SCEL: variants seen among roughly 807,000 people sequenced by gnomAD.
SCEL encodes the protein sciellin.
SCEL carries 113 observed loss-of-function variants against 117.6 expected under a neutral mutation model. The ratio of observed to expected loss-of-function variants is 0.96; its 90% CI spans 0.83 to 1.12. The LOEUF is 1.12. SCEL is among the 50% of genes most tolerant of loss of function. The pLI is 0.00. For synonymous variants in SCEL, 270 were observed against 256.2 expected (o/e 1.05, Z -0.51); for missense variants, 785 against 810.8 (o/e 0.97, Z 0.39).
intron 27 of SCEL, among the ~76,000 whole-genome samples, chr13:77,623,004 C>T (rs1460741678): frequency 6.6e-6 from 1 of 152,134 alleles, no homozygotes; most frequent in Non-Finnish European, 1.5e-5. Flanking sequence ...GTAAGGTCTG[C>T]CTGCCTTCTA....
intron 19 of SCEL, chr13:77,606,478 G>A (rs2154402369): frequency 6.6e-6 from 1 of 152,196 alleles, no homozygotes; most frequent in South Asian, 2.1e-4. Context: ...AATGCTTACC[G>A]TTTTGTTATT....
intron 9 of SCEL, among the ~76,000 whole-genome samples, chr13:77,588,559 G>A (rs2086691675): frequency 6.6e-6 from 1 of 152,136 alleles, no homozygotes; most frequent in Non-Finnish European, 1.5e-5. Flanking sequence ...ATTAAGTCCT[G>A]CCAACTCAGA....
intron 18 of SCEL, among the ~76,000 whole-genome samples, chr13:77,603,462 G>C (rs1456222573): frequency 6.6e-6 from 1 of 152,136 alleles, no homozygotes; most frequent in East Asian, 1.9e-4. Context: ...GACAGAGGTG[G>C]CCAAGAGTGA....
At chr13:77,637,530 T>C (rs1256107233) in intron 30 of SCEL, among the ~76,000 whole-genome samples, 1 of 151,740 alleles carries the variant, frequency 6.6e-6, no homozygotes, top group African/African-American at 2.4e-5. Flanking sequence ...AACTTCTGCA[T>C]CCAGGAATTT....
chr13:77,553,939 T>C (rs939288119), intron 1 of SCEL, among the ~76,000 whole-genome samples: 2 of 152,058 alleles, frequency 1.3e-5, no homozygotes, highest in East Asian at 1.9e-4. Flanking sequence ...TCCACTAAGA[T>C]CTTCAGACTC....
At chr13:77,606,762 T>C (rs2088226418) in intron 19 of SCEL, among the ~76,000 whole-genome samples, 1 of 152,176 alleles carries the variant, frequency 6.6e-6, no homozygotes, top group East Asian at 1.9e-4. Flanking sequence ...TATCTGTATC[T>C]TTGATGTTGT....
Position 77,644,381 on chromosome 13 carries a change from C to A in SCEL, c.*107C>A. 9.0e-7 allele frequency: 1 copy of A among 1,112,940 alleles called. No individual in the cohort carries two copies. The highest frequency in any genetic ancestry group is 1.3e-6 in the Non-Finnish European group (1 of 752,802). 68.9% of individuals were successfully genotyped at this position (1,112,940 alleles called of 1,614,324 possible). On this transcript the variant is annotated 3_prime_UTR_variant, in exon 33 of 33. Coordinates refer to ENST00000349847, the MANE Select transcript of SCEL (RefSeq NM_144777.3). ...GAAAAGCTTTCACATTGAAGATCAA[C>A]TCTTGTACAAAATTAACAATTCTGT...
chr13:77,555,928 A>C lies in SCEL; in HGVS notation c.43+10A>C, dbSNP rs752991121. 4 of 1,611,246 alleles carry C rather than the reference A, an allele frequency of 2.5e-6. No individual in the cohort carries two copies. The Admixed American group carries it at 5.0e-5, about 20-fold the overall frequency. Reference sequence around the variant, plus strand: ...TCTCCCACAGGAAATGGTAATGTACATGATGTTTCTCTCACTCAGAAAACT... The same window carrying C: ...TCTCCCACAGGAAATGGTAATGTACCTGATGTTTCTCTCACTCAGAAAACT... On this transcript the variant is annotated intron_variant, in intron 2 of 32. Coordinates refer to ENST00000349847, the MANE Select transcript of SCEL (RefSeq NM_144777.3).
At chr13:77,618,168 C>G (rs1480936302) in intron 27 of SCEL, 108 bp downstream of exon 27, 5 of 818,172 alleles carry the variant, frequency 6.1e-6, no homozygotes. Context: ...CTCCTTTCCT[C>G]CCTTCCTCCC....
chr13:77,563,650 T>C (rs1350065969), intron 4 of SCEL, among the ~76,000 whole-genome samples, 181 bp from the exon 5 acceptor site: 1 of 152,194 alleles, frequency 6.6e-6, no homozygotes, highest in Non-Finnish European at 1.5e-5. Flanking sequence ...ATATTGGATT[T>C]TCCATAATTT....
intron 20 of SCEL, 66 bp downstream of exon 20, chr13:77,608,181 G>A: frequency 2.3e-6 from 3 of 1,304,506 alleles, no homozygotes; most frequent in Non-Finnish European, 3.2e-6. Flanking sequence ...CAGGAAAGAA[G>A]ATGTGTTGAA....
At position 77,563,912 on chromosome 13, in the gene SCEL, T is replaced by C. The variant is rs756002460; in HGVS notation, c.290+13T>C. The C allele has an allele frequency of 3.9e-6, 6 of 1,547,922 alleles. No homozygotes were observed. The highest frequency in any genetic ancestry group is 3.7e-5 in the South Asian group (3 of 80,246). On this transcript the variant is annotated intron_variant, in intron 5 of 32. Transcript: ENST00000349847. ...ACACTTTGGACAGGTAAGGGGCTTTTGAACCATATAAATGGAATGCATAAC... is the reference window on the plus strand; with the variant it reads ...ACACTTTGGACAGGTAAGGGGCTTTCGAACCATATAAATGGAATGCATAAC...
At chr13:77,569,324 GA>G in intron 7 of SCEL, 46 bp from the exon 8 acceptor site, 2 of 1,455,308 alleles carry the variant, frequency 1.4e-6, no homozygotes, top group South Asian at 1.1e-5. Context: ...AGGCTGAAAT[GA>G]AAAAGTTTGA....
chr13:77,616,207 T>C (rs932344515), intron 24 of SCEL, among the ~76,000 whole-genome samples: 22 of 152,074 alleles, frequency 1.4e-4, no homozygotes, highest in African/African-American at 5.3e-4. Flanking sequence ...ATTTTTTTTA[T>C]GTTACTTACT....
chr13:77,577,907 C>G (rs943250218), intron 9 of SCEL, among the ~76,000 whole-genome samples: 1 of 152,196 alleles, frequency 6.6e-6, no homozygotes, highest in African/African-American at 2.4e-5. Flanking sequence ...CTCCAGCCCC[C>G]CAGTTCCTGT....
intron 30 of SCEL, among the ~76,000 whole-genome samples, chr13:77,637,775 G>C (rs562694881): frequency 6.6e-6 from 1 of 152,270 alleles, no homozygotes; most frequent in Admixed American, 6.5e-5. Flanking sequence ...CAGCCATGCA[G>C]ATGTGCTGCT....
At chr13:77,637,799 G>T (rs2090376516) in intron 30 of SCEL, among the ~76,000 whole-genome samples, 2 of 152,068 alleles carry the variant, frequency 1.3e-5, no homozygotes, top group Non-Finnish European at 1.5e-5. Context: ...ACCCACTCTG[G>T]GCCCAAGCTC....
chr13:77,536,040 A>C (rs1484176885), intron 1 of SCEL, among the ~76,000 whole-genome samples: 1 of 151,552 alleles, frequency 6.6e-6, no homozygotes, highest in African/African-American at 2.4e-5. Flanking sequence ...TTTACACGTT[A>C]TGGGCATCAC....
intron 4 of SCEL, among the ~76,000 whole-genome samples, chr13:77,560,854 T>C (rs1285030783): frequency 6.6e-6 from 1 of 152,190 alleles, no homozygotes; most frequent in Non-Finnish European, 1.5e-5. Flanking sequence ...AGTGTGAATG[T>C]CTTCTATGGT....
Sources: allele counts gnomAD v4.1 joint callset (sites outside exome capture counted in the v4.1 genomes callset), GRCh38; gene constraint gnomAD v4.1.1; transcripts MANE v1.5; gene names NCBI Gene and HGNC (gene_info 2026-07-23, HGNC 2026-07-21).